Variants in NALF1 observed in about 807,000 individuals in gnomAD.
NALF1 encodes family with sequence similarity 155 member A.
A neutral mutation model predicts 48.4 loss-of-function variants in NALF1; 3 were observed. That is an observed-to-expected ratio of 0.06 (90% CI 0.03 to 0.16). The LOEUF is 0.16. Among genes scored for constraint, NALF1 ranks in the 10% least tolerant of loss-of-function variants. The probability of loss-of-function intolerance (pLI) is 1.00; values close to 1 mark genes in which losing one functional copy is unlikely to be tolerated. For missense variants in NALF1, 526 were observed against 571.5 expected (o/e 0.92, Z 0.81); for synonymous variants, 262 against 245.7 (o/e 1.07, Z -0.62).
chr13:107,491,085 C>A (rs1014383106), intron 1 of NALF1, among the ~76,000 whole-genome samples: 4 of 152,134 alleles, frequency 2.6e-5, no homozygotes, highest in African/African-American at 9.7e-5. Context: ...GTGTTTGTTT[C>A]AAGAAGACAG....
intron 1 of NALF1, among the ~76,000 whole-genome samples, chr13:107,295,895 T>C (rs1192486651): frequency 6.6e-6 from 1 of 152,238 alleles, no homozygotes; most frequent in Non-Finnish European, 1.5e-5. Flanking sequence ...TACTGGTTAT[T>C]CCAGCTCTTT....
intron 1 of NALF1, among the ~76,000 whole-genome samples, chr13:107,413,559 AATAGGTG>A (rs1347952287): frequency 8.5e-5 from 13 of 152,162 alleles, no homozygotes; most frequent in Non-Finnish European, 1.6e-4. Context: ...CACGATGTGT[AATAGGTG>A]ACTATCTGTT....
chr13:107,356,034 A>G (rs1034089836), intron 1 of NALF1, among the ~76,000 whole-genome samples: 2 of 152,202 alleles, frequency 1.3e-5, no homozygotes, highest in African/African-American at 4.8e-5. Flanking sequence ...TACTATGTCA[A>G]GTTATTGCCT....
At chr13:107,193,223 A>C (rs1879319084) in intron 2 of NALF1, among the ~76,000 whole-genome samples, 1 of 152,234 alleles carries the variant, frequency 6.6e-6, no homozygotes, top group Non-Finnish European at 1.5e-5. Flanking sequence ...CAGTATAAAT[A>C]ATACAATAAA....
At chr13:107,823,437 T>A (rs568688900) in intron 1 of NALF1, among the ~76,000 whole-genome samples, 15 of 152,222 alleles carry the variant, frequency 9.9e-5, no homozygotes, top group Middle Eastern at 6.8e-3. Context: ...CTCCACAATT[T>A]CCCAGTTTTC....
chr13:107,773,718 A>G (rs9301258), intron 1 of NALF1, among the ~76,000 whole-genome samples: 36,135 of 87,760 alleles, frequency 0.41, 5,981 homozygotes, highest in East Asian at 0.67. Context: ...ATCGCACACC[A>G]GGGACTGTTG....
chr13:107,429,142 G>A (rs1482073353), intron 1 of NALF1, among the ~76,000 whole-genome samples: 4 of 151,966 alleles, frequency 2.6e-5, no homozygotes, highest in Non-Finnish European at 5.9e-5. Flanking sequence ...GGCTAACATG[G>A]TGAAACCCCC....
chr13:107,856,211 G>C (rs2138646353), intron 1 of NALF1, among the ~76,000 whole-genome samples: 1 of 152,274 alleles, frequency 6.6e-6, no homozygotes, highest in South Asian at 2.1e-4. Flanking sequence ...CTGGACAAGA[G>C]AAAGAATTTG....
Position 107,460,859 on chromosome 13 carries a change from T to A in NALF1, c.916-250104A>T, listed in dbSNP as rs548992272. 1.6e-4 allele frequency among the ~76,000 whole-genome samples: 25 copies of A among 152,320 alleles called. No individual in the cohort carries two copies. In the South Asian group the frequency reaches 5.2e-3, roughly 32 times the overall value. On this transcript the variant is annotated intron_variant, in intron 1 of 2. Coordinates refer to ENST00000375915, the MANE Select transcript of NALF1 (RefSeq NM_001080396.3). ...AATTTTGCCTTTAAATGTAAGAACA[T>A]CTCTGACTAATGGCAATGTAACCTA...
intron 1 of NALF1, among the ~76,000 whole-genome samples, chr13:107,227,431 C>G (rs75693405): frequency 0.017 from 2,557 of 152,254 alleles, 76 homozygotes; most frequent in African/African-American, 0.058. Context: ...GTGGTAAACA[C>G]CAGGTCTATA....
At chr13:107,532,681 C>A (rs1244183291) in intron 1 of NALF1, among the ~76,000 whole-genome samples, 1 of 152,022 alleles carries the variant, frequency 6.6e-6, no homozygotes, top group Non-Finnish European at 1.5e-5. Context: ...TTATAGACCT[C>A]ATTTCAACTT....
chr13:107,315,145 T>G, intron 1 of NALF1, among the ~76,000 whole-genome samples: 1 of 152,036 alleles, frequency 6.6e-6, no homozygotes, highest in Non-Finnish European at 1.5e-5. Context: ...TGAATGCCCT[T>G]TCTTTGTATC....
chr13:107,651,941 A>G (rs905378539), intron 1 of NALF1, among the ~76,000 whole-genome samples: 2 of 152,350 alleles, frequency 1.3e-5, no homozygotes, highest in African/African-American at 4.8e-5. Flanking sequence ...AGCTAATTTT[A>G]AACTTGAAAG....
chr13:107,668,026 C>T (rs1880904414), intron 1 of NALF1, among the ~76,000 whole-genome samples: 1 of 151,954 alleles, frequency 6.6e-6, no homozygotes. Context: ...AAATTTATAT[C>T]AATTATTTTT....
At chr13:107,747,130 C>T (rs1465679878) in intron 1 of NALF1, among the ~76,000 whole-genome samples, 1 of 152,218 alleles carries the variant, frequency 6.6e-6, no homozygotes, top group Non-Finnish European at 1.5e-5. Flanking sequence ...CACAGCCCAG[C>T]ATTGTACATT....
intron 1 of NALF1, among the ~76,000 whole-genome samples, chr13:107,417,371 G>A (rs1427553558): frequency 1.3e-5 from 2 of 152,084 alleles, no homozygotes; most frequent in African/African-American, 4.8e-5. Flanking sequence ...CTTTCCAAGA[G>A]GTATCTCAGG....
chr13:107,534,342 T>A (rs80190362), intron 1 of NALF1, among the ~76,000 whole-genome samples: 1 of 152,152 alleles, frequency 6.6e-6, no homozygotes, highest in East Asian at 1.9e-4. Flanking sequence ...TTGATGCATA[T>A]TAACATTTTC....
intron 2 of NALF1, among the ~76,000 whole-genome samples, chr13:107,193,920 T>C (rs1879332921): frequency 6.6e-6 from 1 of 152,184 alleles, no homozygotes; most frequent in Non-Finnish European, 1.5e-5. Flanking sequence ...GAGAGCTGTA[T>C]TTATAAATCC....
At chr13:107,419,334 C>A (rs1223781740) in intron 1 of NALF1, among the ~76,000 whole-genome samples, 1 of 152,108 alleles carries the variant, frequency 6.6e-6, no homozygotes, top group Non-Finnish European at 1.5e-5. Flanking sequence ...GTTGGGTGTA[C>A]CATATGTGCC....
Sources: allele counts gnomAD v4.1 joint callset (sites outside exome capture counted in the v4.1 genomes callset), GRCh38; gene constraint gnomAD v4.1.1; transcripts MANE v1.5; gene names NCBI Gene and HGNC (gene_info 2026-07-23, HGNC 2026-07-21).